GNAI1: variants seen among roughly 807,000 people sequenced by gnomAD.
GNAI1 encodes the protein G protein subunit alpha i1.
GNAI1 carries 11 observed loss-of-function variants against 38.9 expected under a neutral mutation model. That is an observed-to-expected ratio of 0.28 (90% CI 0.18 to 0.47). The LOEUF is 0.47. Ranked by LOEUF, GNAI1 falls within the 20% of genes least tolerant of loss-of-function variation. The pLI, the probability that GNAI1 is intolerant of heterozygous loss-of-function variation, is 0.99. For synonymous variants in GNAI1, 166 were observed against 145.1 expected (o/e 1.14, Z -1.04); for missense variants, 317 against 436.9 (o/e 0.73, Z 2.45).
intron 1 of GNAI1, among the ~76,000 whole-genome samples, chr7:80,148,554 A>G (rs1787669156): frequency 6.6e-6 from 1 of 152,086 alleles, no homozygotes; most frequent in African/African-American, 2.4e-5. Flanking sequence ...AAAAACTTAG[A>G]AAATTAGAGC....
chr7:80,220,520 C>T lies in GNAI1; in HGVS notation c.*3027C>T, dbSNP rs1199627762. Among the ~76,000 whole-genome samples the T allele has an allele frequency of 6.6e-6, 1 of 152,208 alleles. No individual in the cohort carries two copies. Among genetic ancestry groups the T allele is most frequent in the African/African-American group, 2.4e-5 (1 of 41,458 alleles). ...GACCTGACCAATCCGAGTCCTCCAG[C>T]ATTGGACGAGTGAGCCAATCATTGT... On this transcript the variant is annotated 3_prime_UTR_variant, in exon 8 of 8. Transcript: ENST00000649796.
At chr7:80,179,871 A>G (rs566407841) in intron 1 of GNAI1, among the ~76,000 whole-genome samples, 25 of 152,320 alleles carry the variant, frequency 1.6e-4, no homozygotes, top group African/African-American at 5.1e-4. Context: ...TTTTTTAAAA[A>G]TAAGTCAGTG....
rs78148482 is a variant in GNAI1, at chr7:80,178,008, A to G, written c.119-10943A>G. Among the ~76,000 whole-genome samples, 1,013 of 152,352 alleles carry G rather than the reference A, an allele frequency of 6.6e-3. 11 individuals carry two copies. The highest frequency in any genetic ancestry group is 0.023 in the African/African-American group (964 of 41,584). On this transcript the variant is annotated intron_variant, in intron 1 of 7. Transcript: ENST00000649796. ...GTGATTCATGGGAAGAGACCAGAAT[A>G]TTAACATTAACAGGCATTTGAAAGA... is the stretch of plus-strand genomic sequence containing the variant.
At chr7:80,214,506 T>C (rs1788928009) in intron 7 of GNAI1, among the ~76,000 whole-genome samples, 1 of 152,190 alleles carries the variant, frequency 6.6e-6, no homozygotes, top group African/African-American at 2.4e-5. Context: ...AAGTAGACAG[T>C]GTGTTTAGGA....
intron 1 of GNAI1, among the ~76,000 whole-genome samples, chr7:80,161,909 C>T (rs1258964824): frequency 1.3e-5 from 2 of 152,090 alleles, no homozygotes. Context: ...TTATACAGTG[C>T]TTACCATTTG....
intron 1 of GNAI1, among the ~76,000 whole-genome samples, chr7:80,168,096 A>G (rs1324909523): frequency 6.6e-6 from 1 of 152,144 alleles, no homozygotes; most frequent in African/African-American, 2.4e-5. Context: ...ATCCTTTTTG[A>G]GAATCATTGC....
intron 1 of GNAI1, among the ~76,000 whole-genome samples, chr7:80,184,723 C>T (rs1351147752): frequency 6.6e-6 from 1 of 152,168 alleles, no homozygotes; most frequent in East Asian, 1.9e-4. Context: ...CTGTCCATCA[C>T]CTGATGGTCA....
At chr7:80,189,289 T>C (rs1166591850) in intron 3 of GNAI1, 58 bp downstream of exon 3, 29 of 1,407,570 alleles carry the variant, frequency 2.1e-5, no homozygotes, top group African/African-American at 1.4e-5. Context: ...ACTTGTATGC[T>C]AATACCATAC....
intron 1 of GNAI1, among the ~76,000 whole-genome samples, chr7:80,146,648 A>C (rs574907950): frequency 6.6e-6 from 1 of 152,194 alleles, no homozygotes; most frequent in East Asian, 1.9e-4. Flanking sequence ...GAGATTCTGC[A>C]TTTCTCATAG....
intron 1 of GNAI1, among the ~76,000 whole-genome samples, chr7:80,168,010 C>T (rs928188133): frequency 2.6e-5 from 4 of 152,166 alleles, no homozygotes; most frequent in African/African-American, 9.7e-5. Context: ...CTGTATATCA[C>T]AGTAGTATAC....
intron 1 of GNAI1, among the ~76,000 whole-genome samples, chr7:80,147,489 G>A (rs932557717): frequency 6.6e-6 from 1 of 151,882 alleles, no homozygotes; most frequent in Non-Finnish European, 1.5e-5. Flanking sequence ...CCCCTGATGC[G>A]ATCTCCAGCT....
intron 1 of GNAI1, among the ~76,000 whole-genome samples, chr7:80,155,478 T>G (rs1428403260): frequency 6.6e-6 from 1 of 152,186 alleles, no homozygotes; most frequent in Non-Finnish European, 1.5e-5. Flanking sequence ...TAGTTAGAGG[T>G]TATGTTTTTA....
At chr7:80,191,105 C>G (rs1378462457) in intron 3 of GNAI1, among the ~76,000 whole-genome samples, 1 of 152,024 alleles carries the variant, frequency 6.6e-6, no homozygotes, top group Non-Finnish European at 1.5e-5. Flanking sequence ...TAGACTATTA[C>G]TTCTGTTTGC....
At chr7:80,196,660 A>G (rs1437440246) in intron 3 of GNAI1, among the ~76,000 whole-genome samples, 2 of 151,968 alleles carry the variant, frequency 1.3e-5, no homozygotes, top group Non-Finnish European at 2.9e-5. Flanking sequence ...GGTTCGTTTT[A>G]TACAGAAGAT....
chr7:80,203,611 C>G, intron 4 of GNAI1, 93 bp from the exon 5 acceptor site: 1 of 722,944 alleles, frequency 1.4e-6, no homozygotes, highest in African/African-American at 1.9e-5. Context: ...TTCAGATTAT[C>G]GCTTGTATTG....
Position 80,211,112 on chromosome 7 carries a change from C to CT in GNAI1, c.720+17dup. 2 of 1,609,770 alleles carry CT rather than the reference C, an allele frequency of 1.2e-6. No individual in the cohort carries two copies. The highest frequency in any genetic ancestry group is 2.2e-5 in the East Asian group (1 of 44,756). ...GATGAAGAAATGGCAAGTAGAACTACTTTAAGAGTTGAGCTTGAAACATGA... is the reference window on the plus strand; with the variant it reads ...GATGAAGAAATGGCAAGTAGAACTACTTTTAAGAGTTGAGCTTGAAACATGA... On this transcript the variant is annotated intron_variant, in intron 6 of 7. Coordinates refer to ENST00000649796, the MANE Select transcript of GNAI1 (RefSeq NM_002069.6).
At position 80,153,274 on chromosome 7, in the gene GNAI1, T is replaced by C. The variant is rs376593682; in HGVS notation, c.118+17996T>C. The stretch of plus-strand genomic sequence containing the variant: ...ATTTTCACTTTGTATTCTTTTTTTT[T>C]CCCATTAATATGGCCATAATATAGT... On this transcript the variant is annotated intron_variant, in intron 1 of 7. Coordinates refer to ENST00000649796, the MANE Select transcript of GNAI1 (RefSeq NM_002069.6). Among the ~76,000 whole-genome samples the C allele has an allele frequency of 3.0e-3, 453 of 152,288 alleles. 5 individuals carry two copies. Among genetic ancestry groups the C allele is most frequent in the African/African-American group, 9.8e-3 (409 of 41,548 alleles).
intron 3 of GNAI1, among the ~76,000 whole-genome samples, chr7:80,194,239 G>A (rs1430558452): frequency 2.0e-5 from 3 of 152,116 alleles, no homozygotes; most frequent in Non-Finnish European, 4.4e-5. Context: ...CATTTTTAAT[G>A]TAGCTGAACA....
intron 7 of GNAI1, among the ~76,000 whole-genome samples, chr7:80,215,951 G>A (rs929158908): frequency 7.9e-5 from 12 of 152,090 alleles, no homozygotes; most frequent in African/African-American, 2.4e-4. Context: ...TGGGGTGAGC[G>A]CCAGTGTGGA....
Sources: gnomAD v4.1 joint callset for allele counts (sites outside exome capture counted in the v4.1 genomes callset) on GRCh38, gnomAD v4.1.1 for gene constraint, MANE v1.5 for transcripts, NCBI Gene and HGNC (gene_info 2026-07-23, HGNC 2026-07-21) for gene names.